The following TIAM2 variants were observed in gnomAD, a reference collection of about 807,000 sequenced individuals.
TIAM2 encodes TIAM Rac1 associated GEF 2.
A neutral mutation model predicts 152.9 loss-of-function variants in TIAM2; 80 were observed. The ratio of observed to expected loss-of-function variants is 0.52; its 90% CI spans 0.44 to 0.63. The LOEUF (loss-of-function observed/expected upper bound fraction) is 0.63, where lower values mean the gene tolerates loss of function less well. Ranked by LOEUF, TIAM2 falls within the 30% of genes least tolerant of loss-of-function variation. The pLI, the probability that TIAM2 is intolerant of heterozygous loss-of-function variation, is 0.00. For synonymous variants in TIAM2, 804 were observed against 838.0 expected, an observed-to-expected ratio of 0.96 and a Z score of 0.70; for missense variants, 1,965 against 2,120.1, an observed-to-expected ratio of 0.93 and a Z score of 1.44.
At chr6:155,227,383 C>G (rs933106846) in intron 15 of TIAM2, among the ~76,000 whole-genome samples, 2 of 152,160 alleles carry the variant, frequency 1.3e-5, no homozygotes, top group African/African-American at 2.4e-5. Flanking sequence ...TCCCCACAAC[C>G]CTATTGAACA....
chr6:155,194,585 C>T (rs140750804), intron 14 of TIAM2, among the ~76,000 whole-genome samples: 141 of 152,286 alleles, frequency 9.3e-4, no homozygotes, highest in Middle Eastern at 6.8e-3. Flanking sequence ...TCCTCCTTTA[C>T]AGGGACTCTG....
intron 2 of TIAM2, among the ~76,000 whole-genome samples, chr6:155,120,973 G>A (rs1205740485): frequency 6.6e-6 from 1 of 152,160 alleles, no homozygotes; most frequent in African/African-American, 2.4e-5. Context: ...TAATGAGAGT[G>A]TATGGCTTGT....
intron 1 of TIAM2, among the ~76,000 whole-genome samples, chr6:155,077,681 A>G (rs1202488726): frequency 6.6e-6 from 1 of 152,202 alleles, no homozygotes. Context: ...TAACTTTCTT[A>G]ACTTGTCATA....
At chr6:155,130,535 T>A in intron 4 of TIAM2, 118 bp downstream of exon 4, 1 of 913,096 alleles carries the variant, frequency 1.1e-6, no homozygotes. Flanking sequence ...CTGGCAAAAG[T>A]GAAGAGTTCA....
At chr6:155,048,925 T>C (rs773305268) in intron 1 of TIAM2, among the ~76,000 whole-genome samples, 157 of 151,882 alleles carry the variant, frequency 1.0e-3, no homozygotes, top group Non-Finnish European at 1.8e-3. Context: ...CTCAGCCTCC[T>C]GAGTAGCTGG....
chr6:155,055,762 G>T (rs768121597), intron 1 of TIAM2, among the ~76,000 whole-genome samples: 12 of 152,140 alleles, frequency 7.9e-5, no homozygotes, highest in Non-Finnish European at 1.8e-4. Context: ...AGGAGTTTAA[G>T]ACCAGCGTGG....
chr6:155,017,764 A>G (rs1378924708), intron 1 of TIAM2, among the ~76,000 whole-genome samples: 1 of 151,916 alleles, frequency 6.6e-6, no homozygotes, highest in East Asian at 1.9e-4. Context: ...CGGCCTCCCA[A>G]AGTGCTGGGA....
chr6:155,215,884 T>G (rs1170991155), intron 15 of TIAM2, among the ~76,000 whole-genome samples: 1 of 152,016 alleles, frequency 6.6e-6, no homozygotes, highest in Non-Finnish European at 1.5e-5. Context: ...CTCGACTCAC[T>G]GCTGCCTTGA....
At chr6:155,104,214 G>T (rs1468001917) in intron 2 of TIAM2, among the ~76,000 whole-genome samples, 1 of 151,958 alleles carries the variant, frequency 6.6e-6, no homozygotes, top group Non-Finnish European at 1.5e-5. Context: ...CCAGCTCTGT[G>T]ACCTTTTGCA....
At chr6:155,031,476 G>A (rs995720803) in intron 1 of TIAM2, among the ~76,000 whole-genome samples, 2 of 152,058 alleles carry the variant, frequency 1.3e-5, no homozygotes, top group Admixed American at 6.6e-5. Flanking sequence ...TAATCCCAGC[G>A]CTGTGGGAGG....
chr6:155,108,406 G>C (rs968661898), intron 2 of TIAM2, among the ~76,000 whole-genome samples: 3 of 152,156 alleles, frequency 2.0e-5, no homozygotes, highest in African/African-American at 7.2e-5. Flanking sequence ...CTGAGAGCAG[G>C]AACAGTGCAC....
At chr6:155,220,366 G>A (rs1196194619) in intron 15 of TIAM2, among the ~76,000 whole-genome samples, 2 of 152,232 alleles carry the variant, frequency 1.3e-5, no homozygotes, top group African/African-American at 2.4e-5. Flanking sequence ...CGTATGTCTA[G>A]GAGCAGAGTA....
intron 9 of TIAM2, among the ~76,000 whole-genome samples, chr6:155,166,117 G>A (rs966448869): frequency 6.6e-6 from 1 of 151,928 alleles, no homozygotes; most frequent in African/African-American, 2.4e-5. Flanking sequence ...TGGCCTTGGG[G>A]TTTTGTCATC....
At chr6:155,138,765 T>G (rs1007255710) in intron 5 of TIAM2, among the ~76,000 whole-genome samples, 1 of 152,222 alleles carries the variant, frequency 6.6e-6, no homozygotes, top group African/African-American at 2.4e-5. Flanking sequence ...GGACAGGAAC[T>G]CATCCTTTTT....
At chr6:155,185,638 C>G (rs776032947) in intron 14 of TIAM2, among the ~76,000 whole-genome samples, 6 of 152,042 alleles carry the variant, frequency 3.9e-5, no homozygotes, top group Non-Finnish European at 5.9e-5. Flanking sequence ...TCCTTTACAA[C>G]CAATGTCTGT....
intron 2 of TIAM2, among the ~76,000 whole-genome samples, chr6:155,106,836 T>C (rs555722281): frequency 4.2e-4 from 64 of 152,360 alleles, no homozygotes; most frequent in African/African-American, 1.5e-3. Context: ...CGAGGCATGA[T>C]GGCAGGCTGT....
intron 15 of TIAM2, among the ~76,000 whole-genome samples, chr6:155,227,133 T>C (rs1363714228): frequency 6.6e-6 from 1 of 152,218 alleles, no homozygotes; most frequent in Non-Finnish European, 1.5e-5. Context: ...TGGACCAGAA[T>C]TGCTGGAGCT....
At chr6:155,146,538 A>G (rs1583213854) in intron 6 of TIAM2, among the ~76,000 whole-genome samples, 1 of 152,252 alleles carries the variant, frequency 6.6e-6, no homozygotes, top group East Asian at 1.9e-4. Flanking sequence ...CCATTTGCCC[A>G]CTTTATTCAA....
At chr6:155,045,661 A>T (rs886877065) in intron 1 of TIAM2, among the ~76,000 whole-genome samples, 3 of 151,990 alleles carry the variant, frequency 2.0e-5, no homozygotes, top group Admixed American at 1.3e-4. Context: ...GGAGTTTCCA[A>T]AGTAGGGCTG....
Sources: gnomAD v4.1 joint callset for allele counts (sites outside exome capture counted in the v4.1 genomes callset) on GRCh38, gnomAD v4.1.1 for gene constraint, MANE v1.5 for transcripts, NCBI Gene and HGNC (gene_info 2026-07-23, HGNC 2026-07-21) for gene names.